The following COL25A1 variants were observed in gnomAD, a reference collection of about 807,000 sequenced individuals.
The protein encoded by COL25A1 is collagen type XXV alpha 1 chain.
A neutral mutation model predicts 128.4 loss-of-function variants in COL25A1; 103 were observed. That is an observed-to-expected ratio of 0.80 (90% CI 0.68 to 0.94). The LOEUF is 0.94. Ranked by LOEUF, COL25A1 falls within the 40% of genes least tolerant of loss-of-function variation. COL25A1 has a pLI of 0.00. For synonymous variants in COL25A1, 279 were observed against 277.2 expected (o/e 1.01, Z -0.06); for missense variants, 745 against 840.0 (o/e 0.89, Z 1.40).
chr4:109,059,807 T>C (rs1188129349), intron 3 of COL25A1, among the ~76,000 whole-genome samples: 1 of 152,238 alleles, frequency 6.6e-6, no homozygotes, highest in Non-Finnish European at 1.5e-5. Flanking sequence ...GGATATTGCC[T>C]GTCTTCTTCA....
intron 4 of COL25A1, among the ~76,000 whole-genome samples, chr4:109,049,834 C>T (rs1274524918): frequency 1.3e-5 from 2 of 152,126 alleles, no homozygotes; most frequent in African/African-American, 4.8e-5. Context: ...CTGAGAAACA[C>T]GCCATTGTAC....
chr4:109,101,669 T>C (rs893322024), intron 3 of COL25A1, among the ~76,000 whole-genome samples: 1 of 152,222 alleles, frequency 6.6e-6, no homozygotes, highest in Admixed American at 6.5e-5. Flanking sequence ...TGAACTCATC[T>C]ATTGCTTTTC....
At chr4:109,116,065 T>A (rs902229905) in intron 3 of COL25A1, among the ~76,000 whole-genome samples, 1 of 151,818 alleles carries the variant, frequency 6.6e-6, no homozygotes, top group African/African-American at 2.4e-5. Flanking sequence ...CAGAAACCAG[T>A]GCCAGGATAG....
At chr4:108,966,264 T>G (rs532088379) in intron 8 of COL25A1, among the ~76,000 whole-genome samples, 1 of 152,260 alleles carries the variant, frequency 6.6e-6, no homozygotes, top group East Asian at 1.9e-4. Flanking sequence ...CATTCATATG[T>G]TTTCTGTTGG....
intron 3 of COL25A1, among the ~76,000 whole-genome samples, chr4:109,102,220 T>C (rs1765960283): frequency 6.6e-6 from 1 of 152,138 alleles, no homozygotes; most frequent in Admixed American, 6.5e-5. Flanking sequence ...TATAAAACTA[T>C]AAATTTTATA....
rs1735408309 is a variant in COL25A1, at chr4:108,848,772, A to G, written c.1421T>C (p.Met474Thr). Residue 474 changes from methionine (M) to threonine (T), a missense_variant, in exon 27 of 38, where the codon ATG becomes ACG. Coordinates refer to ENST00000399132, the MANE Select transcript of COL25A1 (RefSeq NM_198721.4). ...TTTGAAAATTACCTGCTCTCCATCC[A>G]TTCCTGGGATTCCTGGAGATCCCTG... is the stretch of plus-strand genomic sequence containing the variant. ...GEQGSPGIPG[M>T]DGEQGLKGSK... The G allele has an allele frequency of 6.2e-7, 1 of 1,602,306 alleles. No individual in the cohort carries two copies. The highest frequency in any genetic ancestry group is 8.6e-7 in the Non-Finnish European group (1 of 1,169,548).
In COL25A1 at chr4:109,090,694, C is replaced by A. The variant is rs567084396; in HGVS notation, c.368-40515G>T. Among the ~76,000 whole-genome samples, 39 of 150,508 alleles carry A rather than the reference C, an allele frequency of 2.6e-4. 1 individual carries two copies. The highest frequency in any genetic ancestry group is 9.2e-4 in the African/African-American group (38 of 41,488). ...ACCCACTTCCTTCTTGGTCAGAATG[C>A]CAACTGGAATATTATCAGTTTAAAA... is the stretch of plus-strand genomic sequence containing the variant. On this transcript the variant is annotated intron_variant, in intron 3 of 37. Transcript: ENST00000399132.
At chr4:108,975,185 T>G (rs953128457) in intron 6 of COL25A1, among the ~76,000 whole-genome samples, 6 of 152,260 alleles carry the variant, frequency 3.9e-5, no homozygotes, top group Non-Finnish European at 8.8e-5. Flanking sequence ...CCAGGCGCAG[T>G]GGCTCATGCC....
intron 3 of COL25A1, among the ~76,000 whole-genome samples, chr4:109,235,518 C>T (rs1327141232): frequency 6.8e-6 from 1 of 147,760 alleles, no homozygotes; most frequent in Non-Finnish European, 1.5e-5. Context: ...TGAAGGTATG[C>T]CCCCAACAAA....
chr4:109,149,911 T>C (rs1413743830), intron 3 of COL25A1, among the ~76,000 whole-genome samples: 1 of 152,008 alleles, frequency 6.6e-6, no homozygotes, highest in Non-Finnish European at 1.5e-5. Flanking sequence ...TCTGGATTGG[T>C]AGTTTTTTGG....
chr4:108,846,922 T>TTG lies in COL25A1; in HGVS notation c.1435-705_1435-704dup, dbSNP rs1735178412. 2.0e-5 allele frequency among the ~76,000 whole-genome samples: 3 copies of TTG among 151,340 alleles called. No homozygotes were observed. In the South Asian group the frequency reaches 6.3e-4, roughly 32 times the overall value. On this transcript the variant is annotated intron_variant, in intron 27 of 37. Transcript: ENST00000399132. ...ATTTTGTAATTTTTTTTTTTTTTTT[T>TTG]TGAGTTGGAGTCTCACTCTGTCACC...
chr4:109,029,937 C>A (rs1040610697), intron 5 of COL25A1, among the ~76,000 whole-genome samples: 5 of 152,108 alleles, frequency 3.3e-5, no homozygotes, highest in African/African-American at 4.8e-5. Flanking sequence ...GGCATCCAGG[C>A]ACCTCATAGA....
At chr4:109,200,320 GC>G (rs1223768763) in intron 3 of COL25A1, among the ~76,000 whole-genome samples, 5 of 152,090 alleles carry the variant, frequency 3.3e-5, no homozygotes, top group Admixed American at 2.6e-4. Flanking sequence ...TACAATCATT[GC>G]TCCACTTCCA....
chr4:109,050,933 T>C (rs1292446485), intron 3 of COL25A1, among the ~76,000 whole-genome samples: 1 of 151,902 alleles, frequency 6.6e-6, no homozygotes, highest in Non-Finnish European at 1.5e-5. Flanking sequence ...CTAGTATGTA[T>C]CAGACTTCGC....
intron 3 of COL25A1, among the ~76,000 whole-genome samples, chr4:109,221,924 C>T (rs1778442895): frequency 6.6e-6 from 1 of 151,908 alleles, no homozygotes; most frequent in Admixed American, 6.6e-5. Context: ...TGTAATAACT[C>T]CTACAAAAGG....
intron 3 of COL25A1, among the ~76,000 whole-genome samples, chr4:109,066,839 T>C (rs1246625427): frequency 1.3e-5 from 2 of 152,054 alleles, no homozygotes; most frequent in African/African-American, 4.8e-5. Flanking sequence ...ATTTTTTTAT[T>C]GCTATCTTTT....
chr4:108,832,803 C>G (rs1733296667), intron 31 of COL25A1: 1 of 161,058 alleles, frequency 6.2e-6, no homozygotes, highest in South Asian at 1.8e-4. Context: ...TTGAAGCCAG[C>G]CAGCCTGGCC....
At chr4:108,920,850 A>T (rs1265993587) in intron 11 of COL25A1, 1 of 351,746 alleles carries the variant, frequency 2.8e-6, no homozygotes, top group Non-Finnish European at 5.1e-6. Flanking sequence ...ATTAAAAAAT[A>T]ATCTTTGCTG....
At chr4:109,187,200 TACACACACAC>T (rs36159924) in intron 3 of COL25A1, among the ~76,000 whole-genome samples, 5 of 147,820 alleles carry the variant, frequency 3.4e-5, no homozygotes, top group Non-Finnish European at 7.5e-5. Flanking sequence ...TCTTGCTCTC[TACACACACAC>T]ACACACACAC....
Sources: allele counts gnomAD v4.1 joint callset (sites outside exome capture counted in the v4.1 genomes callset), GRCh38; gene constraint gnomAD v4.1.1; transcripts MANE v1.5; gene names NCBI Gene and HGNC (gene_info 2026-07-23, HGNC 2026-07-21).